The following AHCY variants were observed in gnomAD, a reference collection of about 807,000 sequenced individuals.
AHCY encodes S-adenosyl-L-homocysteine hydrolase.
AHCY carries 24 observed loss-of-function variants against 45.4 expected under a neutral mutation model. That is an observed-to-expected ratio of 0.53 (90% CI 0.38 to 0.74). The LOEUF (loss-of-function observed/expected upper bound fraction) is 0.74, where lower values mean the gene tolerates loss of function less well. AHCY is among the 30% of genes least tolerant of loss of function. The probability of loss-of-function intolerance (pLI) is 0.00; values close to 1 mark genes in which losing one functional copy is unlikely to be tolerated. For missense variants in AHCY, 449 were observed against 594.1 expected (o/e 0.76, Z 2.54); for synonymous variants, 245 against 235.1 (o/e 1.04, Z -0.39).
the AHCY span, chr20:34,246,654 C>T: frequency 3.1e-5 from 16 of 522,710 alleles, no homozygotes; most frequent in Admixed American, 2.0e-4. Context: ...GATGGGGTTT[C>T]GCCATGTTGC....
At chr20:34,233,115 G>A in the AHCY span, among the ~76,000 whole-genome samples, 1 of 149,360 alleles carries the variant, frequency 6.7e-6, no homozygotes, top group Non-Finnish European at 1.5e-5. Context: ...TTTTCATCTG[G>A]AAGAGTCAAC....
chr20:34,235,909 A>G, the AHCY span, among the ~76,000 whole-genome samples: 59 of 123,644 alleles, frequency 4.8e-4, 9 homozygotes, highest in African/African-American at 2.1e-3. Flanking sequence ...AAAGGAAGGA[A>G]GGAAGGAAGG....
At chr20:34,257,114 C>T in the AHCY span, among the ~76,000 whole-genome samples, 2 of 134,404 alleles carry the variant, frequency 1.5e-5, no homozygotes, top group East Asian at 2.1e-4. Context: ...GAGACAGTTT[C>T]CCTCTTTCAC....
the AHCY span, among the ~76,000 whole-genome samples, chr20:34,271,555 T>C: frequency 6.7e-6 from 1 of 149,554 alleles, no homozygotes; most frequent in Non-Finnish European, 1.5e-5. Flanking sequence ...TAGTGTGGCG[T>C]TGAACAAGCC....
chr20:34,294,020 T>C, intron 3 of AHCY, 61 bp downstream of exon 3: 1 of 1,535,268 alleles, frequency 6.5e-7, no homozygotes, highest in Non-Finnish European at 9.0e-7. Context: ...TAGCAGTCAG[T>C]GAAGCAAAGA....
At chr20:34,263,456 T>C in the AHCY span, among the ~76,000 whole-genome samples, 1 of 151,792 alleles carries the variant, frequency 6.6e-6, no homozygotes, top group African/African-American at 2.4e-5. Context: ...TCCCAGCTAC[T>C]TGGGAGGCTG....
chr20:34,295,388 G>C lies in AHCY; in HGVS notation c.219+7C>G, dbSNP rs200332864. 2,114 of 1,613,896 alleles carry C rather than the reference G, an allele frequency of 1.3e-3. 2 individuals are homozygous for C. The highest frequency in any genetic ancestry group is 1.7e-3 in the Non-Finnish European group (1,974 of 1,179,922). Reference sequence around the variant, plus strand: ...GGACTCTGGGGTGATACAGCTGTGGGCCTCACCTCAGCACCCAGGGTGACG... The same window carrying C: ...GGACTCTGGGGTGATACAGCTGTGGCCCTCACCTCAGCACCCAGGGTGACG... On this transcript the variant is annotated splice_region_variant and intron_variant, in intron 2 of 9. Coordinates refer to ENST00000217426, the MANE Select transcript of AHCY (RefSeq NM_000687.4).
At chr20:34,241,454 G>C in the AHCY span, 1 of 985,442 alleles carries the variant, frequency 1.0e-6, no homozygotes, top group African/African-American at 1.7e-5. Flanking sequence ...GGTGAAAAAG[G>C]AAGTTCCTTG....
chr20:34,298,589 T>C (rs919911101), intron 1 of AHCY, among the ~76,000 whole-genome samples: 3 of 35,494 alleles, frequency 8.5e-5, no homozygotes, highest in East Asian at 1.7e-3. Context: ...CTTAGCAGAC[T>C]GGGAAGTGGC....
intron 1 of AHCY, among the ~76,000 whole-genome samples, chr20:34,308,910 T>C (rs2122851966): frequency 6.6e-6 from 1 of 151,304 alleles, no homozygotes. Flanking sequence ...TGCCTCGGCC[T>C]CCCAAAGTGC....
At chr20:34,296,092 A>G (rs2036570256) in intron 1 of AHCY, among the ~76,000 whole-genome samples, 1 of 151,940 alleles carries the variant, frequency 6.6e-6, no homozygotes, top group African/African-American at 2.4e-5. Flanking sequence ...CCCACTCCTG[A>G]TGTTTCTTTC....
At chr20:34,256,042 T>A in the AHCY span, among the ~76,000 whole-genome samples, 3 of 152,270 alleles carry the variant, frequency 2.0e-5, no homozygotes, top group Non-Finnish European at 4.4e-5. Flanking sequence ...TCCGCTTTCA[T>A]GTTCCACCCC....
At chr20:34,243,026 TA>T in the AHCY span, among the ~76,000 whole-genome samples, 1 of 152,372 alleles carries the variant, frequency 6.6e-6, no homozygotes, top group African/African-American at 2.4e-5. Flanking sequence ...TCAGGAGATC[TA>T]AAACAATCAT....
At position 34,281,002 on chromosome 20, in the gene AHCY, AGCAGCTG is replaced by A. The variant is rs760263204; in HGVS notation, c.*25_*31del. ...GGAGAGGTGGGGCCTGGGCAAGGACAGCAGCTGGAGGGTGAAACGCAGACCTGGCTCT... is the reference window on the plus strand; with the variant it reads ...GGAGAGGTGGGGCCTGGGCAAGGACAGAGGGTGAAACGCAGACCTGGCTCT... On this transcript the variant is annotated 3_prime_UTR_variant, in exon 10 of 10. Coordinates refer to ENST00000217426, the MANE Select transcript of AHCY (RefSeq NM_000687.4). 56 of 1,613,608 alleles carry A rather than the reference AGCAGCTG, an allele frequency of 3.5e-5. No individual in the cohort carries two copies. The highest frequency in any genetic ancestry group is 4.7e-5 in the Non-Finnish European group (55 of 1,179,884).
chr20:34,246,067 C>T, the AHCY span: 3 of 884,394 alleles, frequency 3.4e-6, no homozygotes, highest in African/African-American at 3.3e-5. Context: ...TTCATCCTCC[C>T]CATTACTGAG....
At chr20:34,250,558 G>A in the AHCY span, among the ~76,000 whole-genome samples, 3 of 152,118 alleles carry the variant, frequency 2.0e-5, no homozygotes, top group Non-Finnish European at 4.4e-5. Context: ...AGCACTTTGG[G>A]AGGCTGAGGC....
At chr20:34,249,426 T>G in the AHCY span, among the ~76,000 whole-genome samples, 24 of 152,202 alleles carry the variant, frequency 1.6e-4, 1 homozygote, top group East Asian at 4.6e-3. Context: ...TGCTGAAACT[T>G]TACTGAGTGT....
rs959602105 is a variant in AHCY at position 34,290,526 on chromosome 20, C to T, written c.854+25G>A. 5.6e-6 allele frequency: 9 copies of T among 1,613,974 alleles called. No homozygotes were observed. In the African/African-American group the frequency reaches 1.2e-4, roughly 22 times the overall value. ...CAACTCTGCCCTCCTCCCTCACTCCCCGGGACCCCCCATCTGGCACCTACC... is the reference window on the plus strand; with the variant it reads ...CAACTCTGCCCTCCTCCCTCACTCCTCGGGACCCCCCATCTGGCACCTACC... On this transcript the variant is annotated intron_variant, in intron 7 of 9. Transcript: ENST00000217426. The surrounding 1 kb of genome is among the most constrained non-coding windows in gnomAD (Gnocchi z 4.5).
the AHCY span, among the ~76,000 whole-genome samples, chr20:34,252,690 C>A: frequency 6.6e-6 from 1 of 152,132 alleles, no homozygotes; most frequent in Non-Finnish European, 1.5e-5. Context: ...CAGCACAGAC[C>A]CTTTATGGGT....
Sources: gnomAD v4.1 joint callset for allele counts (sites outside exome capture counted in the v4.1 genomes callset) on GRCh38, gnomAD v4.1.1 for gene constraint, Gnocchi (gnomAD v3.1) non-coding constraint, MANE v1.5 for transcripts, NCBI Gene and HGNC (gene_info 2026-07-23, HGNC 2026-07-21) for gene names.